The following PITPNC1 variants were observed in gnomAD, a reference collection of about 807,000 sequenced individuals.
The protein encoded by PITPNC1 is phosphatidylinositol transfer protein cytoplasmic 1.
In PITPNC1, 18 loss-of-function variants were observed where a neutral mutation model predicts 44.7. The ratio of observed to expected loss-of-function variants is 0.40; its 90% CI spans 0.28 to 0.60. PITPNC1 has a LOEUF of 0.60. Among genes scored for constraint, PITPNC1 ranks in the 20% least tolerant of loss-of-function variants. The pLI, the probability that PITPNC1 is intolerant of heterozygous loss-of-function variation, is 0.39. For missense variants in PITPNC1, 290 were observed against 418.4 expected (o/e 0.69, Z 2.68); for synonymous variants, 141 against 149.6 (o/e 0.94, Z 0.42).
intron 1 of PITPNC1, among the ~76,000 whole-genome samples, chr17:67,435,187 G>T (rs1195282590): frequency 1.3e-5 from 2 of 151,708 alleles, no homozygotes. Flanking sequence ...GGCTCCTCTT[G>T]GGCAAATTAC....
intron 1 of PITPNC1, among the ~76,000 whole-genome samples, chr17:67,410,514 G>A (rs2038479173): frequency 6.6e-6 from 1 of 151,984 alleles, no homozygotes. Flanking sequence ...CTCCTGAGTA[G>A]CTGGGACCAC....
At position 67,692,608 on chromosome 17, in the gene PITPNC1, C is replaced by G. The variant is rs778376435; in HGVS notation, c.719C>G (p.Ala240Gly). ...GATGAAGTCCGAGAATTTGAACGAG[C>G]CACTCAGGAAGCCACCAACAAGAAA... Reference protein sequence around the residue: ...TMDEVREFERATQEATNKKIG... With the variant: ...TMDEVREFERGTQEATNKKIG... Residue 240 changes from alanine (A) to glycine (G), a missense_variant, in exon 9 of 9, where the codon GCC becomes GGC. Transcript: ENST00000581322. 1.2e-6 allele frequency: 2 copies of G among 1,613,476 alleles called. No homozygotes were observed. Among genetic ancestry groups the G allele is most frequent in the Non-Finnish European group, 1.7e-6 (2 of 1,179,508 alleles).
intron 1 of PITPNC1, among the ~76,000 whole-genome samples, chr17:67,513,930 G>A (rs1368580): frequency 0.054 from 8,145 of 152,036 alleles, 281 homozygotes; most frequent in Middle Eastern, 0.11. Flanking sequence ...GAAATGGATG[G>A]TCGGAGGGGA....
At position 67,599,001 on chromosome 17, in the gene PITPNC1, C is replaced by CAT. The variant is rs1172990089; in HGVS notation, c.366+20777_366+20778dup. Among the ~76,000 whole-genome samples, 114 of 45,132 alleles carry CAT rather than the reference C, an allele frequency of 2.5e-3. 3 individuals are homozygous for CAT. The highest frequency in any genetic ancestry group is 4.9e-3 in the East Asian group (8 of 1,642). The allele number at this position is 45,132 out of a possible 152,430, so 29.6% of individuals were successfully genotyped here. On this transcript the variant is annotated intron_variant, in intron 5 of 8. Coordinates refer to ENST00000581322, the MANE Select transcript of PITPNC1 (RefSeq NM_012417.4). ...TCAGCCCCCAAAACTATAAGAAATACATATATATATATATATATATATATA... is the reference window on the plus strand; with the variant it reads ...TCAGCCCCCAAAACTATAAGAAATACATATATATATATATATATATATATATA...
chr17:67,514,725 C>T (rs1429102430), intron 1 of PITPNC1, among the ~76,000 whole-genome samples: 1 of 152,050 alleles, frequency 6.6e-6, no homozygotes. Flanking sequence ...ACTCTGGTGG[C>T]TGAGGCACGA....
At chr17:67,409,699 C>T (rs1007869438) in intron 1 of PITPNC1, among the ~76,000 whole-genome samples, 23 of 151,914 alleles carry the variant, frequency 1.5e-4, no homozygotes, top group African/African-American at 5.6e-4. Flanking sequence ...CCACCACGCC[C>T]AGCTAATTTT....
chr17:67,434,373 G>C (rs1274818374), intron 1 of PITPNC1, among the ~76,000 whole-genome samples: 1 of 152,202 alleles, frequency 6.6e-6, no homozygotes, highest in Non-Finnish European at 1.5e-5. Context: ...CCTGGGAACT[G>C]AGCAGCAAGA....
chr17:67,541,620 C>G (rs75100461), intron 2 of PITPNC1, among the ~76,000 whole-genome samples: 2,793 of 152,250 alleles, frequency 0.018, 80 homozygotes, highest in African/African-American at 0.064. Flanking sequence ...CTAGTCAGAA[C>G]ATACTTGGAA....
chr17:67,691,102 CAAATAAAT>C lies in PITPNC1; in HGVS notation c.683-1447_683-1440del, dbSNP rs71864063. The stretch of plus-strand genomic sequence containing the variant: ...TGTGCAACAGAGCAAGACTCTATCT[CAAATAAAT>C]AAATAAATAAATAAATAAATAATAA... On this transcript the variant is annotated intron_variant, in intron 8 of 8. Coordinates refer to ENST00000581322, the MANE Select transcript of PITPNC1 (RefSeq NM_012417.4). Among the ~76,000 whole-genome samples, 57 of 149,074 alleles carry C rather than the reference CAAATAAAT, an allele frequency of 3.8e-4. No homozygotes were observed. In the East Asian group the frequency reaches 7.3e-3, roughly 19 times the overall value.
chr17:67,389,267 C>T (rs2038101136), intron 1 of PITPNC1, among the ~76,000 whole-genome samples: 2 of 152,338 alleles, frequency 1.3e-5, no homozygotes, highest in Admixed American at 1.3e-4. Flanking sequence ...CAGATCTCTC[C>T]GACTTGCTGT....
intron 1 of PITPNC1, among the ~76,000 whole-genome samples, chr17:67,494,796 A>G (rs750864426): frequency 2.5e-4 from 38 of 151,970 alleles, no homozygotes; most frequent in Non-Finnish European, 1.0e-4. Context: ...ACATGGCAAA[A>G]CACCATCTCT....
At chr17:67,610,026 A>G (rs2041666022) in intron 5 of PITPNC1, among the ~76,000 whole-genome samples, 1 of 152,154 alleles carries the variant, frequency 6.6e-6, no homozygotes, top group Non-Finnish European at 1.5e-5. Context: ...GATCATTTTC[A>G]CAGTGACTGG....
chr17:67,506,452 A>G (rs1477128814), intron 1 of PITPNC1, among the ~76,000 whole-genome samples: 1 of 152,184 alleles, frequency 6.6e-6, no homozygotes, highest in Non-Finnish European at 1.5e-5. Flanking sequence ...GGAAAGCAGT[A>G]GTTTTTTCAG....
At chr17:67,510,662 G>A (rs959812835) in intron 1 of PITPNC1, among the ~76,000 whole-genome samples, 10 of 152,064 alleles carry the variant, frequency 6.6e-5, no homozygotes, top group African/African-American at 2.2e-4. Flanking sequence ...GCAGTGGTGC[G>A]ATCTCAGCTC....
At chr17:67,554,324 T>C (rs752551628) in intron 4 of PITPNC1, among the ~76,000 whole-genome samples, 1 of 148,808 alleles carries the variant, frequency 6.7e-6, no homozygotes, top group African/African-American at 2.5e-5. Context: ...TGGCACAATC[T>C]TGGCTCAACA....
Position 67,693,330 on chromosome 17 carries a change from G to T in PITPNC1, c.*442G>T. ...ATACTTAGCTGTTAAATTTTGAACT[G>T]CTAATTACTAATACTTGAATACCAA... On this transcript the variant is annotated 3_prime_UTR_variant, in exon 9 of 9. Coordinates refer to ENST00000581322, the MANE Select transcript of PITPNC1 (RefSeq NM_012417.4). 6.5e-6 allele frequency: 1 copy of T among 154,814 alleles called. No homozygotes were observed. The highest frequency in any genetic ancestry group is 1.4e-5 in the Non-Finnish European group (1 of 69,600). 9.6% of individuals were successfully genotyped at this position (154,814 alleles called of 1,614,324 possible).
rs33998127 is a variant in PITPNC1 at position 67,586,425 on chromosome 17, CAAAAAAAAA to C, written c.366+8180_366+8188del. Among the ~76,000 whole-genome samples the C allele has an allele frequency of 6.3e-5, 7 of 110,592 alleles. No individual in the cohort carries two copies. In the East Asian group the frequency reaches 1.7e-3, roughly 27 times the overall value. 72.6% of individuals were successfully genotyped at this position (110,592 alleles called of 152,430 possible). Reference sequence around the variant, plus strand: ...ACATGGTGAAACCCTGTTTCTACTTCAAAAAAAAAAAAAAAAAAAATTAGCTGGGCGTGG... The same window carrying C: ...ACATGGTGAAACCCTGTTTCTACTTCAAAAAAAAAAATTAGCTGGGCGTGG... On this transcript the variant is annotated intron_variant, in intron 5 of 8. Transcript: ENST00000581322.
chr17:67,441,418 C>T (rs1276106518), intron 1 of PITPNC1, among the ~76,000 whole-genome samples: 1 of 152,070 alleles, frequency 6.6e-6, no homozygotes, highest in Non-Finnish European at 1.5e-5. Flanking sequence ...CTGATTTGCT[C>T]GGCAGAGATG....
At chr17:67,423,750 G>A (rs987625266) in intron 1 of PITPNC1, among the ~76,000 whole-genome samples, 2 of 152,130 alleles carry the variant, frequency 1.3e-5, no homozygotes, top group East Asian at 1.9e-4. Context: ...AAAGAAGAGC[G>A]TTTCTGTGGC....
Sources: gnomAD v4.1 joint callset for allele counts (sites outside exome capture counted in the v4.1 genomes callset) on GRCh38, gnomAD v4.1.1 for gene constraint, MANE v1.5 for transcripts, NCBI Gene and HGNC (gene_info 2026-07-23, HGNC 2026-07-21) for gene names.